Variants in RANBP9 observed in about 807,000 individuals in gnomAD.
The protein encoded by RANBP9 is RAN binding protein 9, also known as ran-binding protein 9.
In RANBP9, 15 loss-of-function variants were observed where a neutral mutation model predicts 84.3. That is an observed-to-expected ratio of 0.18 (90% CI 0.12 to 0.27). The LOEUF is 0.27. Ranked by LOEUF, RANBP9 falls within the 10% of genes least tolerant of loss-of-function variation. The pLI is 1.00. For missense variants in RANBP9, 809 were observed against 912.8 expected (o/e 0.89, Z 1.46); for synonymous variants, 392 against 349.6 (o/e 1.12, Z -1.35).
intron 13 of RANBP9, among the ~76,000 whole-genome samples, chr6:13,624,226 A>G (rs1764536528): frequency 6.6e-6 from 1 of 152,162 alleles, no homozygotes; most frequent in Non-Finnish European, 1.5e-5. Flanking sequence ...AAATTAATAA[A>G]TTTTCTAAGG....
intron 1 of RANBP9, among the ~76,000 whole-genome samples, chr6:13,707,559 T>C (rs1308008241): frequency 6.6e-6 from 1 of 152,178 alleles, no homozygotes; most frequent in Non-Finnish European, 1.5e-5. Flanking sequence ...AAAGAGGCAA[T>C]ACTATGGGAT....
At chr6:13,666,983 G>A (rs1765665227) in intron 2 of RANBP9, among the ~76,000 whole-genome samples, 1 of 151,992 alleles carries the variant, frequency 6.6e-6, no homozygotes, top group Non-Finnish European at 1.5e-5. Flanking sequence ...CTGAATAGCT[G>A]GTAGATATAT....
intron 2 of RANBP9, among the ~76,000 whole-genome samples, chr6:13,674,936 G>A (rs149020445): frequency 6.6e-6 from 1 of 152,184 alleles, no homozygotes; most frequent in Non-Finnish European, 1.5e-5. Flanking sequence ...AACTGTCTCA[G>A]TGACAGTCTC....
At position 13,711,311 on chromosome 6, in the gene RANBP9, G is replaced by A. The variant is rs1758275381; in HGVS notation, c.195C>T (p.Ala65=). 9.4e-7 allele frequency: 1 copy of A among 1,060,454 alleles called. No individual in the cohort carries two copies. Among genetic ancestry groups the A allele is most frequent in the Non-Finnish European group, 1.1e-6 (1 of 880,392 alleles). The allele number at this position is 1,060,454 out of a possible 1,614,324, so 65.7% of individuals were successfully genotyped here. The change falls in exon 1 of 14, where the codon GCC becomes GCT. Residue 65 remains alanine, a synonymous_variant. Transcript: ENST00000011619. The part of the protein sequence containing the change: ...AGGEGLGAAA[A]ALLLHPPPPP... ...GCGGCGGAGGGTGGAGGAGCAGGGCGGCCGCCGCGGCCCCTAAGCCTTCGC... is the reference window on the plus strand; with the variant it reads ...GCGGCGGAGGGTGGAGGAGCAGGGCAGCCGCCGCGGCCCCTAAGCCTTCGC...
At chr6:13,679,195 G>A (rs1409237283) in intron 2 of RANBP9, among the ~76,000 whole-genome samples, 2 of 152,090 alleles carry the variant, frequency 1.3e-5, no homozygotes, top group East Asian at 1.9e-4. Flanking sequence ...TCTTGCCTTC[G>A]GAAAGTTCAC....
At chr6:13,665,650 G>A (rs1219336873) in intron 2 of RANBP9, among the ~76,000 whole-genome samples, 2 of 152,088 alleles carry the variant, frequency 1.3e-5, no homozygotes, top group Non-Finnish European at 2.9e-5. Context: ...ATGAAGATGT[G>A]TCTACCAAAA....
chr6:13,622,733 AGTATCAG>A (rs1764486435), intron 13 of RANBP9, among the ~76,000 whole-genome samples: 1 of 152,234 alleles, frequency 6.6e-6, no homozygotes, highest in African/African-American at 2.4e-5. Context: ...AGACTTTTAA[AGTATCAG>A]ATACTAAAAT....
At chr6:13,673,621 G>A (rs904399384) in intron 2 of RANBP9, among the ~76,000 whole-genome samples, 1 of 152,184 alleles carries the variant, frequency 6.6e-6, no homozygotes, top group Non-Finnish European at 1.5e-5. Flanking sequence ...GGAGGGAGGA[G>A]TTGGTTATAT....
At chr6:13,663,175 G>A (rs1765572035) in intron 2 of RANBP9, among the ~76,000 whole-genome samples, 1 of 151,988 alleles carries the variant, frequency 6.6e-6, no homozygotes. Context: ...AAAACAGCTA[G>A]AGAAAAACGA....
At chr6:13,659,759 T>C (rs1765499362) in intron 2 of RANBP9, among the ~76,000 whole-genome samples, 1 of 152,148 alleles carries the variant, frequency 6.6e-6, no homozygotes, top group Non-Finnish European at 1.5e-5. Flanking sequence ...GGAAATTATT[T>C]AACTATGAGA....
In RANBP9 at chr6:13,711,096, T is replaced by G. The variant is rs1758266779; in HGVS notation, c.410A>C (p.Asp137Ala). Residue 137 changes from aspartate to alanine, a missense_variant, in exon 1 of 14, where the codon GAC becomes GCC. Physicochemically the swap from Asp to Ala is moderately radical, Grantham distance 126 (BLOSUM62 -2). Coordinates refer to ENST00000011619, the MANE Select transcript of RANBP9 (RefSeq NM_005493.3). ...SSAAAPFPHGDSALNEQEKEL... is the reference protein window; with the variant it reads ...SSAAAPFPHGASALNEQEKEL... ...CTTCTCCTGCTCGTTCAGGGCCGAG[T>G]CCCCGTGAGGGAAGGGGGCCGCGGC... 4 of 1,568,190 alleles carry G rather than the reference T, an allele frequency of 2.6e-6. No individual in the cohort carries two copies. The highest frequency in any genetic ancestry group is 3.5e-6 in the Non-Finnish European group (4 of 1,157,236).
Position 13,689,004 on chromosome 6 carries a change from A to AAAG in RANBP9, c.683+7780_683+7781insCTT, listed in dbSNP as rs374538732. On this transcript the variant is annotated intron_variant, in intron 2 of 13. Coordinates refer to ENST00000011619, the MANE Select transcript of RANBP9 (RefSeq NM_005493.3). ...CCACAAAAAAAAAAAAAAAAAAAAA[A>AAAG]TGCTGGGCATGGTGACGCACACCCA... Among the ~76,000 whole-genome samples, 55 of 108,974 alleles carry AAAG rather than the reference A, an allele frequency of 5.0e-4. 1 individual carries two copies. The highest frequency in any genetic ancestry group is 7.2e-4 in the African/African-American group (20 of 27,648). The allele number at this position is 108,974 out of a possible 152,430, so 71.5% of individuals were successfully genotyped here.
intron 2 of RANBP9, among the ~76,000 whole-genome samples, chr6:13,691,977 T>G (rs553998257): frequency 1.7e-4 from 26 of 152,238 alleles, no homozygotes; most frequent in East Asian, 7.7e-4. Context: ...AGTTTTAAAT[T>G]AAGCAGAATA....
chr6:13,625,294 T>C (rs192471463), intron 13 of RANBP9, among the ~76,000 whole-genome samples: 4 of 152,286 alleles, frequency 2.6e-5, no homozygotes, highest in Admixed American at 2.0e-4. Flanking sequence ...AAGAGGGCTG[T>C]AAGGAATGTC....
At chr6:13,690,609 A>G (rs1209477058) in intron 2 of RANBP9, among the ~76,000 whole-genome samples, 1 of 152,244 alleles carries the variant, frequency 6.6e-6, no homozygotes, top group Non-Finnish European at 1.5e-5. Flanking sequence ...AGTGGCATCA[A>G]TATTTTGTTT....
At chr6:13,626,725 A>C (rs866157200) in intron 12 of RANBP9, among the ~76,000 whole-genome samples, 1 of 152,068 alleles carries the variant, frequency 6.6e-6, no homozygotes, top group Non-Finnish European at 1.5e-5. Flanking sequence ...CAGGAACACA[A>C]CACTTTGAAA....
chr6:13,623,936 G>A (rs1412137002), intron 13 of RANBP9, among the ~76,000 whole-genome samples: 11 of 151,978 alleles, frequency 7.2e-5, no homozygotes, highest in African/African-American at 2.2e-4. Context: ...TAAGAAAACT[G>A]GTCACTTTAA....
In RANBP9 at chr6:13,634,508, C is replaced by T; in HGVS notation, c.1718G>A (p.Gly573Glu). Residue 573 changes from glycine (G) to glutamate (E), a missense_variant, in exon 11 of 14, where the codon GGA becomes GAA. This residue lies in a region of RANBP9 where 233 missense variants were observed against 234.4 expected (regional missense o/e 0.99). Coordinates refer to ENST00000011619, the MANE Select transcript of RANBP9 (RefSeq NM_005493.3). ...TAGGAAACCATTGGATGAAGTTTCT[C>T]CAACTCCATTGGAGTAGTGATCTGT... is the stretch of plus-strand genomic sequence containing the variant. ...METDHYSNGV[G>E]ETSSNGFLNG... The T allele has an allele frequency of 6.2e-7, 1 of 1,613,324 alleles. No homozygotes were observed. The highest frequency in any genetic ancestry group is 8.5e-7 in the Non-Finnish European group (1 of 1,179,454).
chr6:13,691,254 A>G (rs1321971140), intron 2 of RANBP9, among the ~76,000 whole-genome samples: 1 of 152,072 alleles, frequency 6.6e-6, no homozygotes, highest in Non-Finnish European at 1.5e-5. Flanking sequence ...AATAATATTT[A>G]AAGACTATTT....
Sources: allele counts gnomAD v4.1 joint callset (sites outside exome capture counted in the v4.1 genomes callset), GRCh38; gene constraint gnomAD v4.1.1; regional missense constraint gnomAD v4.1.1; transcripts MANE v1.5; gene names NCBI Gene and HGNC (gene_info 2026-07-23, HGNC 2026-07-21).